The following PDE4D variants were observed in gnomAD, a reference collection of about 807,000 sequenced individuals.
PDE4D encodes the protein phosphodiesterase 4D.
A neutral mutation model predicts 87.4 loss-of-function variants in PDE4D; 24 were observed. The ratio of observed to expected loss-of-function variants is 0.27; its 90% confidence interval spans 0.20 to 0.39. The LOEUF (loss-of-function observed/expected upper bound fraction) is 0.39, where lower values mean the gene tolerates loss of function less well. Among genes scored for constraint, PDE4D ranks in the 10% least tolerant of loss-of-function variants. The pLI, the probability that PDE4D is intolerant of heterozygous loss-of-function variation, is 1.00. For synonymous variants in PDE4D, 384 were observed against 383.2 expected (o/e 1.00, Z -0.02); for missense variants, 714 against 1,041.0 (o/e 0.69, Z 4.32).
chr5:59,006,693 C>G (rs887764134), intron 6 of PDE4D, among the ~76,000 whole-genome samples: 1 of 152,186 alleles, frequency 6.6e-6, no homozygotes, highest in Admixed American at 6.5e-5. Flanking sequence ...TCCTTGTTTT[C>G]TCAGTCCTTA....
chr5:59,751,392 G>T (rs1257398588), intron 1 of PDE4D, among the ~76,000 whole-genome samples: 1 of 152,128 alleles, frequency 6.6e-6, no homozygotes, highest in African/African-American at 2.4e-5. Flanking sequence ...CTGAAAGATG[G>T]TATAGATTGG....
intron 1 of PDE4D, among the ~76,000 whole-genome samples, chr5:60,407,104 A>G (rs1741601634): frequency 6.6e-6 from 1 of 152,116 alleles, no homozygotes; most frequent in Non-Finnish European, 1.5e-5. Flanking sequence ...GAAAGGAGAG[A>G]GTGTATGTTT....
At chr5:60,381,674 C>T (rs990339448) in intron 1 of PDE4D, among the ~76,000 whole-genome samples, 8 of 151,968 alleles carry the variant, frequency 5.3e-5, no homozygotes, top group Non-Finnish European at 1.2e-4. Flanking sequence ...AGAAAGAAGC[C>T]GAGGAAGCAA....
intron 2 of PDE4D, among the ~76,000 whole-genome samples, chr5:60,128,639 A>G (rs1779318053): frequency 6.6e-6 from 1 of 152,202 alleles, no homozygotes; most frequent in East Asian, 1.9e-4. Flanking sequence ...AATGAGAGAT[A>G]AACTTCAATT....
At chr5:59,832,958 G>C (rs1247647112) in intron 1 of PDE4D, among the ~76,000 whole-genome samples, 1 of 152,016 alleles carries the variant, frequency 6.6e-6, no homozygotes, top group Non-Finnish European at 1.5e-5. Context: ...CGGAAGGAAC[G>C]TAAGGATGAA....
intron 5 of PDE4D, among the ~76,000 whole-genome samples, chr5:59,085,561 T>C (rs959806136): frequency 2.0e-5 from 3 of 152,136 alleles, no homozygotes; most frequent in African/African-American, 7.2e-5. Flanking sequence ...ACTACCCTCT[T>C]GAGAGAGTCA....
At chr5:60,232,316 ATGC>A (rs1745912674) in intron 1 of PDE4D, among the ~76,000 whole-genome samples, 1 of 151,972 alleles carries the variant, frequency 6.6e-6, no homozygotes, top group Admixed American at 6.6e-5. Flanking sequence ...AATAATTTAG[ATGC>A]TTACAGGGGT....
chr5:60,042,977 G>A (rs1189421564), intron 2 of PDE4D, among the ~76,000 whole-genome samples: 1 of 152,060 alleles, frequency 6.6e-6, no homozygotes, highest in Non-Finnish European at 1.5e-5. Flanking sequence ...ACTTCAAAAT[G>A]TGGGTAACAA....
chr5:59,246,448 T>G (rs909791330), intron 1 of PDE4D, among the ~76,000 whole-genome samples: 3 of 152,112 alleles, frequency 2.0e-5, no homozygotes, highest in Admixed American at 1.3e-4. Context: ...TAAAAACACA[T>G]AAATGTCTAG....
At chr5:60,437,125 A>G (rs774286643) in intron 1 of PDE4D, among the ~76,000 whole-genome samples, 17 of 151,796 alleles carry the variant, frequency 1.1e-4, no homozygotes, top group Non-Finnish European at 1.6e-4. Context: ...CAGAATATCT[A>G]CTCTATCTGG....
chr5:59,654,418 A>G (rs770030334), intron 1 of PDE4D, among the ~76,000 whole-genome samples: 28 of 152,102 alleles, frequency 1.8e-4, no homozygotes, highest in Non-Finnish European at 3.5e-4. Context: ...TTACTGACAG[A>G]CTTTGTGGTT....
chr5:59,255,107 C>A (rs1222740342), intron 1 of PDE4D, among the ~76,000 whole-genome samples: 1 of 152,076 alleles, frequency 6.6e-6, no homozygotes, highest in African/African-American at 2.4e-5. Context: ...AAATCTTTTG[C>A]ATAAATGTTC....
At chr5:60,018,705 A>G (rs1253177315) in intron 2 of PDE4D, among the ~76,000 whole-genome samples, 1 of 152,212 alleles carries the variant, frequency 6.6e-6, no homozygotes, top group Non-Finnish European at 1.5e-5. Context: ...TTCTGACAAA[A>G]CAGATTTTAA....
intron 1 of PDE4D, among the ~76,000 whole-genome samples, chr5:59,342,798 T>C (rs899977908): frequency 3.3e-5 from 5 of 152,102 alleles, no homozygotes; most frequent in Non-Finnish European, 5.9e-5. Flanking sequence ...TTCAAAAAAT[T>C]CATTTAAAAA....
At chr5:60,204,723 C>A (rs1276961914) in intron 1 of PDE4D, among the ~76,000 whole-genome samples, 3 of 152,126 alleles carry the variant, frequency 2.0e-5, no homozygotes, top group Non-Finnish European at 2.9e-5. Context: ...TTTTGTATCA[C>A]CTTTTAGTAC....
intron 6 of PDE4D, among the ~76,000 whole-genome samples, chr5:59,021,341 A>T (rs979211108): frequency 6.6e-6 from 1 of 152,232 alleles, no homozygotes; most frequent in African/African-American, 2.4e-5. Flanking sequence ...TCAGTGGGCC[A>T]TCACATATGC....
intron 1 of PDE4D, among the ~76,000 whole-genome samples, chr5:60,206,893 A>C (rs1189125982): frequency 6.6e-6 from 1 of 152,260 alleles, no homozygotes; most frequent in Non-Finnish European, 1.5e-5. Flanking sequence ...TAACACTAGA[A>C]ACAATTATAG....
chr5:59,589,374 T>C (rs1365972364), intron 1 of PDE4D, among the ~76,000 whole-genome samples: 1 of 152,198 alleles, frequency 6.6e-6, no homozygotes, highest in Non-Finnish European at 1.5e-5. Flanking sequence ...AAAGATTGTA[T>C]TTGTTCATTA....
chr5:59,840,749 A>G (rs1026039625), intron 1 of PDE4D, among the ~76,000 whole-genome samples: 6 of 152,076 alleles, frequency 3.9e-5, no homozygotes, highest in African/African-American at 1.4e-4. Context: ...CATTATGGCA[A>G]ATAGAGTTCT....
Sources: allele counts gnomAD v4.1 joint callset (sites outside exome capture counted in the v4.1 genomes callset), GRCh38; gene constraint gnomAD v4.1.1; transcripts MANE v1.5; gene names NCBI Gene and HGNC (gene_info 2026-07-23, HGNC 2026-07-21).